CA10: variants seen among roughly 807,000 people sequenced by gnomAD.
CA10 encodes carbonic anhydrase 10 (inactive).
Under a neutral mutation model 44.2 loss-of-function variants are expected in CA10, and 14 were observed. The observed-to-expected ratio is 0.32, with a 90% CI of 0.21 to 0.50. The LOEUF (loss-of-function observed/expected upper bound fraction) is 0.50, where lower values mean the gene tolerates loss of function less well. Among genes scored for constraint, CA10 ranks in the 20% least tolerant of loss-of-function variants. CA10 has a pLI of 0.99. For synonymous variants in CA10, 159 were observed against 141.6 expected (o/e 1.12, Z -0.87); for missense variants, 350 against 409.7 (o/e 0.85, Z 1.26).
chr17:52,051,885 C>G (rs142132721), intron 2 of CA10, among the ~76,000 whole-genome samples: 142 of 152,136 alleles, frequency 9.3e-4, no homozygotes, highest in African/African-American at 3.2e-3. Context: ...ACCTAAATGC[C>G]CATCAATGAT....
In CA10 at chr17:52,067,074, A is replaced by C. The variant is rs548696395; in HGVS notation, c.136+5245T>G. ...GGAGAAATTCAAGCTGGCTGCAGAG[A>C]TTTGCATAAGGAGCCAAATTTTAAT... On this transcript the variant is annotated intron_variant, in intron 2 of 8. Transcript: ENST00000451037. 1.2e-3 allele frequency among the ~76,000 whole-genome samples: 185 copies of C among 152,364 alleles called. 4 individuals are homozygous for C. The South Asian group carries it at 0.022, about 18-fold the overall frequency.
At chr17:51,733,178 C>A (rs556563195) in intron 4 of CA10, among the ~76,000 whole-genome samples, 1 of 152,318 alleles carries the variant, frequency 6.6e-6, no homozygotes, top group African/African-American at 2.4e-5. Context: ...CAGTTCCTGG[C>A]TTAGTTATAT....
intron 2 of CA10, among the ~76,000 whole-genome samples, chr17:52,056,199 T>C (rs551490349): frequency 9.9e-5 from 15 of 151,888 alleles, no homozygotes; most frequent in African/African-American, 3.6e-4. Context: ...GAAGAGGAGG[T>C]GTCCAAAATG....
At chr17:51,645,945 A>G (rs1192315726) in intron 6 of CA10, among the ~76,000 whole-genome samples, 1 of 152,194 alleles carries the variant, frequency 6.6e-6, no homozygotes, top group African/African-American at 2.4e-5. Context: ...CTTAAGTCAC[A>G]TCACTTATTT....
chr17:51,684,785 T>C (rs1459018949), intron 4 of CA10, among the ~76,000 whole-genome samples: 1 of 152,180 alleles, frequency 6.6e-6, no homozygotes, highest in Non-Finnish European at 1.5e-5. Flanking sequence ...AGAAAATAAA[T>C]GGATTCTTTG....
intron 2 of CA10, among the ~76,000 whole-genome samples, chr17:52,056,218 T>A (rs1987226083): frequency 1.3e-5 from 2 of 151,102 alleles, no homozygotes. Context: ...TGAGACTCAC[T>A]GGTGATTGGT....
chr17:51,743,573 A>G (rs919303331), intron 4 of CA10, among the ~76,000 whole-genome samples: 1 of 152,254 alleles, frequency 6.6e-6, no homozygotes, highest in East Asian at 1.9e-4. Flanking sequence ...GCTTTATAAA[A>G]CAAAGCAAAT....
At chr17:52,035,624 T>C (rs1306978013) in intron 2 of CA10, among the ~76,000 whole-genome samples, 6 of 152,234 alleles carry the variant, frequency 3.9e-5, no homozygotes, top group African/African-American at 1.4e-4. Context: ...AAGAGCACTG[T>C]AACACATCAT....
intron 4 of CA10, among the ~76,000 whole-genome samples, chr17:51,672,690 A>G (rs772884867): frequency 5.9e-5 from 9 of 152,190 alleles, no homozygotes; most frequent in Middle Eastern, 3.2e-3. Context: ...GATAGCCTGC[A>G]TTATTTTAAG....
intron 3 of CA10, among the ~76,000 whole-genome samples, chr17:51,794,189 T>C (rs986072495): frequency 3.3e-5 from 5 of 152,138 alleles, no homozygotes; most frequent in Admixed American, 3.3e-4. Flanking sequence ...GAGGGAAAGG[T>C]GTGTTTTTAG....
intron 3 of CA10, among the ~76,000 whole-genome samples, chr17:51,767,115 T>C (rs1180711537): frequency 6.6e-6 from 1 of 152,242 alleles, no homozygotes; most frequent in Non-Finnish European, 1.5e-5. Context: ...ATTTTAAATG[T>C]TCTCTCATTT....
At position 51,818,443 on chromosome 17, in the gene CA10, A is replaced by G. The variant is rs547449761; in HGVS notation, c.280-70625T>C. 9.8e-5 allele frequency among the ~76,000 whole-genome samples: 15 copies of G among 152,318 alleles called. No individual in the cohort carries two copies. In the East Asian group the frequency reaches 1.5e-3, roughly 16 times the overall value. On this transcript the variant is annotated intron_variant, in intron 3 of 8. Coordinates refer to ENST00000451037, the MANE Select transcript of CA10 (RefSeq NM_020178.5). ...TCCTAAATGCCCTTCCAACGCTGGC[A>G]TTACATCTTTCTAAACCAACCCTTC...
intron 3 of CA10, among the ~76,000 whole-genome samples, chr17:51,906,530 C>T (rs963178774): frequency 6.6e-6 from 1 of 152,114 alleles, no homozygotes; most frequent in Non-Finnish European, 1.5e-5. Flanking sequence ...TCTTTTCTAA[C>T]TACATTCACT....
chr17:51,950,596 G>A (rs896892303), intron 2 of CA10, among the ~76,000 whole-genome samples: 2 of 151,954 alleles, frequency 1.3e-5, no homozygotes, highest in Non-Finnish European at 2.9e-5. Flanking sequence ...CTCTTCATTT[G>A]GGCCACCGCT....
In CA10 at chr17:52,061,824, TG is replaced by T. The variant is rs1475282032; in HGVS notation, c.136+10494del. Among the ~76,000 whole-genome samples the T allele has an allele frequency of 3.3e-5, 5 of 152,118 alleles. No homozygotes were observed. In the East Asian group the frequency reaches 9.7e-4, roughly 29 times the overall value. On this transcript the variant is annotated intron_variant, in intron 2 of 8. Transcript: ENST00000451037. The stretch of plus-strand genomic sequence containing the variant: ...CCTCTGTTTATAAATTACCCAGTCT[TG>T]GGTAGTATCCTTATAGCAGTGTGAA...
chr17:51,695,816 C>T (rs1264289223), intron 4 of CA10, among the ~76,000 whole-genome samples: 2 of 151,990 alleles, frequency 1.3e-5, no homozygotes, highest in Non-Finnish European at 2.9e-5. Context: ...ATAGATGGCT[C>T]CTATTATTTT....
At chr17:52,092,411 G>A (rs1481010041) in intron 1 of CA10, among the ~76,000 whole-genome samples, 1 of 152,112 alleles carries the variant, frequency 6.6e-6, no homozygotes, top group African/African-American at 2.4e-5. Context: ...GAAGAATTTT[G>A]TCCAAAGGCC....
chr17:51,755,831 C>G (rs1251198811), intron 3 of CA10, among the ~76,000 whole-genome samples: 3 of 152,210 alleles, frequency 2.0e-5, no homozygotes, highest in African/African-American at 7.2e-5. Flanking sequence ...GAATTCAAGT[C>G]TTCATGACCC....
At position 52,041,900 on chromosome 17, in the gene CA10, C is replaced by T. The variant is rs115594753; in HGVS notation, c.136+30419G>A. Among the ~76,000 whole-genome samples, 1,181 of 152,132 alleles carry T rather than the reference C, an allele frequency of 7.8e-3. 16 individuals are homozygous for T. The highest frequency in any genetic ancestry group is 0.027 in the African/African-American group (1,115 of 41,532). ...TAATGTCCTCCAGGTTCATTCATGT[C>T]GTGGCAAGTGACAGGATTTTCTTCT... is the stretch of plus-strand genomic sequence containing the variant. On this transcript the variant is annotated intron_variant, in intron 2 of 8. Coordinates refer to ENST00000451037, the MANE Select transcript of CA10 (RefSeq NM_020178.5).
Sources: allele counts gnomAD v4.1 joint callset (sites outside exome capture counted in the v4.1 genomes callset), GRCh38; gene constraint gnomAD v4.1.1; transcripts MANE v1.5; gene names NCBI Gene and HGNC (gene_info 2026-07-23, HGNC 2026-07-21).